RABGAP1L: variants seen among roughly 807,000 people sequenced by gnomAD.
RABGAP1L encodes RAB GTPase activating protein 1 like, also known as rab GTPase-activating protein 1-like.
In RABGAP1L, 63 loss-of-function variants were observed where a neutral mutation model predicts 137.7. That is an observed-to-expected ratio of 0.46 (90% CI 0.37 to 0.56). RABGAP1L has a LOEUF of 0.56. Ranked by LOEUF, RABGAP1L falls within the 20% of genes least tolerant of loss-of-function variation. The pLI is 0.00. For synonymous variants in RABGAP1L, 431 were observed against 433.7 expected (o/e 0.99, Z 0.08); for missense variants, 1,095 against 1,244.0 (o/e 0.88, Z 1.80).
intron 11 of RABGAP1L, among the ~76,000 whole-genome samples, chr1:174,306,537 G>A (rs563518700): frequency 3.3e-5 from 5 of 152,288 alleles, no homozygotes; most frequent in Admixed American, 6.5e-5. Flanking sequence ...ATTTTTTCAT[G>A]TGTCTGTTGG....
Position 174,468,116 on chromosome 1 carries a change from CTT to C in RABGAP1L, c.1710+73972_1710+73973del, listed in dbSNP as rs569009745. On this transcript the variant is annotated intron_variant, in intron 13 of 25. Coordinates refer to ENST00000681986, the MANE Select transcript of RABGAP1L (RefSeq NM_001366446.1). ...TTGCTGTATCTGTAATATTTTGAGA[CTT>C]AAGATAAATTATTGCTTTTGTTTAC... 2.1e-4 allele frequency among the ~76,000 whole-genome samples: 32 copies of C among 152,148 alleles called. No individual in the cohort carries two copies. The South Asian group carries it at 2.3e-3, about 11-fold the overall frequency.
Position 174,699,739 on chromosome 1 carries a change from A to G in RABGAP1L, c.2025+89A>G, listed in dbSNP as rs535828827. 3.9e-6 allele frequency: 5 copies of G among 1,285,962 alleles called. No homozygotes were observed. In the East Asian group the frequency reaches 1.2e-4, roughly 30 times the overall value. 79.7% of individuals were successfully genotyped at this position (1,285,962 alleles called of 1,614,324 possible). ...GAGTTGGTAAGCAATAATGAATTAT[A>G]GAAGTTTAATGGAATATTATAGAAA... On this transcript the variant is annotated intron_variant, in intron 16 of 25. Coordinates refer to ENST00000681986, the MANE Select transcript of RABGAP1L (RefSeq NM_001366446.1).
At chr1:174,531,390 C>G (rs1426543591) in intron 13 of RABGAP1L, among the ~76,000 whole-genome samples, 2 of 151,988 alleles carry the variant, frequency 1.3e-5, no homozygotes, top group Admixed American at 6.6e-5. Context: ...ATCAGAGAAG[C>G]AGTCTAAGAT....
At chr1:174,265,213 T>C (rs1673957869) in intron 7 of RABGAP1L, among the ~76,000 whole-genome samples, 2 of 152,218 alleles carry the variant, frequency 1.3e-5, no homozygotes, top group Non-Finnish European at 2.9e-5. Flanking sequence ...TTGATGCATA[T>C]AGCTAGTATC....
chr1:174,240,930 G>T (rs1235666918), intron 4 of RABGAP1L, among the ~76,000 whole-genome samples: 2 of 101,038 alleles, frequency 2.0e-5, no homozygotes, highest in Non-Finnish European at 3.6e-5. Context: ...TTATGTGTAT[G>T]TGTGTGTTTG....
intron 13 of RABGAP1L, among the ~76,000 whole-genome samples, chr1:174,504,635 T>C (rs1661647333): frequency 6.6e-6 from 1 of 152,156 alleles, no homozygotes; most frequent in Non-Finnish European, 1.5e-5. Context: ...AAAGACAGTC[T>C]CTTCAATAAA....
rs1297678761 is a variant in RABGAP1L at position 174,763,646 on chromosome 1, G to A, written c.2211+11292G>A. ...AGCCTGGGCGACAGAGCGAGACTCC[G>A]TCTCAAAAAAAAAAAAAAAAAAAAA... On this transcript the variant is annotated intron_variant, in intron 18 of 25. Transcript: ENST00000681986. Among the ~76,000 whole-genome samples, 98 of 59,348 alleles carry A rather than the reference G, an allele frequency of 1.7e-3. 1 individual carries two copies. The highest frequency in any genetic ancestry group is 5.9e-3 in the African/African-American group (91 of 15,344). The allele number at this position is 59,348 out of a possible 152,430, so 38.9% of individuals were successfully genotyped here.
intron 13 of RABGAP1L, among the ~76,000 whole-genome samples, chr1:174,400,370 G>T (rs894713773): frequency 7.2e-5 from 11 of 152,000 alleles, no homozygotes; most frequent in African/African-American, 2.7e-4. Context: ...TTCCCCAGCA[G>T]ACTTTAAAAT....
At chr1:174,279,920 G>T (rs1246493169) in intron 10 of RABGAP1L, among the ~76,000 whole-genome samples, 1 of 152,000 alleles carries the variant, frequency 6.6e-6, no homozygotes, top group African/African-American at 2.4e-5. Flanking sequence ...GAATAAAGGA[G>T]CTGGAGCTGT....
intron 13 of RABGAP1L, among the ~76,000 whole-genome samples, chr1:174,616,557 C>G (rs1353069894): frequency 6.6e-6 from 1 of 152,098 alleles, no homozygotes; most frequent in Non-Finnish European, 1.5e-5. Context: ...GGTATTCAGA[C>G]ATGGACACTA....
intron 18 of RABGAP1L, among the ~76,000 whole-genome samples, chr1:174,781,355 A>G (rs1253957982): frequency 2.0e-5 from 3 of 152,188 alleles, no homozygotes; most frequent in South Asian, 2.1e-4. Context: ...TCTGTTGGCT[A>G]CATAAATGTC....
At chr1:174,547,352 C>A (rs1319184090) in intron 13 of RABGAP1L, among the ~76,000 whole-genome samples, 1 of 152,130 alleles carries the variant, frequency 6.6e-6, no homozygotes, top group African/African-American at 2.4e-5. Flanking sequence ...TGCAGTGACT[C>A]ACACCTGTAA....
At chr1:174,250,094 G>A (rs73036625) in intron 5 of RABGAP1L, among the ~76,000 whole-genome samples, 2,150 of 152,216 alleles carry the variant, frequency 0.014, 64 homozygotes, top group African/African-American at 0.05. Flanking sequence ...TTGAACTTAA[G>A]TTTCCATGAA....
At position 174,220,895 on chromosome 1, in the gene RABGAP1L, G is replaced by C. The variant is rs1235496044; in HGVS notation, c.139-77G>C. 2.4e-6 allele frequency: 3 copies of C among 1,236,920 alleles called. No individual in the cohort carries two copies. The African/African-American group carries it at 4.6e-5, about 19-fold the overall frequency. The allele number at this position is 1,236,920 out of a possible 1,614,324, so 76.6% of individuals were successfully genotyped here. On this transcript the variant is annotated intron_variant, in intron 2 of 25. Coordinates refer to ENST00000681986, the MANE Select transcript of RABGAP1L (RefSeq NM_001366446.1). ...ATTTAGATTGTTTTAATTTCTTCTA[G>C]AAATGAAATACTTTCATAAAATTTA...
intron 12 of RABGAP1L, among the ~76,000 whole-genome samples, chr1:174,390,079 C>T (rs976398532): frequency 3.9e-5 from 6 of 152,114 alleles, no homozygotes; most frequent in Admixed American, 3.9e-4. Flanking sequence ...CTTCTCTGAT[C>T]ATAGATATAT....
intron 10 of RABGAP1L, among the ~76,000 whole-genome samples, chr1:174,299,747 A>G (rs1443459433): frequency 6.6e-6 from 1 of 152,216 alleles, no homozygotes; most frequent in African/African-American, 2.4e-5. Flanking sequence ...AGTTCAGTGC[A>G]TTTAGTTAAC....
chr1:174,722,323 C>G (rs986865349), intron 17 of RABGAP1L, among the ~76,000 whole-genome samples: 2 of 152,172 alleles, frequency 1.3e-5, no homozygotes, highest in Non-Finnish European at 2.9e-5. Flanking sequence ...TTAAAAGATT[C>G]TACACTTACA....
chr1:174,903,904 C>T (rs969670883), intron 19 of RABGAP1L, among the ~76,000 whole-genome samples: 11 of 150,440 alleles, frequency 7.3e-5, no homozygotes, highest in Non-Finnish European at 1.5e-4. Flanking sequence ...GAGCTGAGAT[C>T]GCGCCATTGC....
At chr1:174,258,261 G>C (rs1673285110) in intron 7 of RABGAP1L, among the ~76,000 whole-genome samples, 1 of 152,182 alleles carries the variant, frequency 6.6e-6, no homozygotes, top group South Asian at 2.1e-4. Context: ...GCAGGTGGCA[G>C]CCTTACCAAG....
Sources: allele counts gnomAD v4.1 joint callset (sites outside exome capture counted in the v4.1 genomes callset), GRCh38; gene constraint gnomAD v4.1.1; transcripts MANE v1.5; gene names NCBI Gene and HGNC (gene_info 2026-07-23, HGNC 2026-07-21).